Variants in CNTN5 observed in about 807,000 individuals in gnomAD.
The protein encoded by CNTN5 is contactin-5.
A neutral mutation model predicts 129.1 loss-of-function variants in CNTN5; 77 were observed. The ratio of observed to expected loss-of-function variants is 0.60; its 90% confidence interval spans 0.50 to 0.72. The LOEUF (loss-of-function observed/expected upper bound fraction) is 0.72. Among genes scored for constraint, CNTN5 ranks in the 30% least tolerant of loss-of-function variants. The pLI is 0.00. For missense variants in CNTN5, 1,478 were observed against 1,328.8 expected, an observed-to-expected ratio of 1.11 and a Z score of -1.75; for synonymous variants, 509 against 465.6, an observed-to-expected ratio of 1.09 and a Z score of -1.20.
At chr11:99,371,984 G>C (rs77029246) in intron 2 of CNTN5, among the ~76,000 whole-genome samples, 5,308 of 152,284 alleles carry the variant, frequency 0.035, 128 homozygotes, top group Non-Finnish European at 0.055. Flanking sequence ...GTGAGGATGA[G>C]ACCCTACAGA....
intron 13 of CNTN5, among the ~76,000 whole-genome samples, chr11:100,112,315 T>C (rs116315819): frequency 1.1e-3 from 175 of 152,268 alleles, no homozygotes; most frequent in African/African-American, 4.1e-3. Context: ...GGGCAAAAAG[T>C]TCTCTGTTAT....
intron 3 of CNTN5, among the ~76,000 whole-genome samples, chr11:99,591,141 G>A (rs903341982): frequency 6.6e-6 from 1 of 151,938 alleles, no homozygotes; most frequent in South Asian, 2.1e-4. Context: ...TTTACGAGAC[G>A]TTTAGTTGAT....
At chr11:99,642,192 G>A (rs947819973) in intron 3 of CNTN5, among the ~76,000 whole-genome samples, 2 of 152,130 alleles carry the variant, frequency 1.3e-5, no homozygotes, top group African/African-American at 2.4e-5. Context: ...TATGTAATAG[G>A]AGAAAATGGC....
At chr11:99,828,062 A>G (rs563957732) in intron 4 of CNTN5, among the ~76,000 whole-genome samples, 251 of 152,332 alleles carry the variant, frequency 1.6e-3, no homozygotes, top group African/African-American at 5.8e-3. Context: ...TTTGATAAGT[A>G]TGATTGTATA....
intron 21 of CNTN5, among the ~76,000 whole-genome samples, chr11:100,326,796 G>T (rs1350368137): frequency 6.6e-6 from 1 of 152,198 alleles, no homozygotes; most frequent in Non-Finnish European, 1.5e-5. Flanking sequence ...TAAAGAAGTG[G>T]CCAAGGAGGC....
chr11:100,112,433 T>C (rs900535447), intron 13 of CNTN5, among the ~76,000 whole-genome samples: 1 of 152,194 alleles, frequency 6.6e-6, no homozygotes, highest in Non-Finnish European at 1.5e-5. Context: ...AGAAAAATTC[T>C]ATTTTAAAAC....
chr11:100,303,566 G>A (rs504489), intron 20 of CNTN5, among the ~76,000 whole-genome samples: 1 of 105,840 alleles, frequency 9.4e-6, no homozygotes, highest in Non-Finnish European at 2.7e-5. Context: ...CTTGTGATGC[G>A]CTTTATCCTT....
At chr11:99,449,169 GTTTC>G (rs1944198612) in intron 2 of CNTN5, among the ~76,000 whole-genome samples, 1 of 152,036 alleles carries the variant, frequency 6.6e-6, no homozygotes, top group Non-Finnish European at 1.5e-5. Context: ...AAAACTACTC[GTTTC>G]TTTAAGGAAC....
intron 13 of CNTN5, among the ~76,000 whole-genome samples, chr11:100,179,628 G>A (rs1446329901): frequency 6.6e-6 from 1 of 151,974 alleles, no homozygotes; most frequent in African/African-American, 2.4e-5. Context: ...ATTAGCTATT[G>A]AGTCATATAG....
At chr11:100,311,922 C>A (rs1293810818) in intron 21 of CNTN5, among the ~76,000 whole-genome samples, 1 of 151,896 alleles carries the variant, frequency 6.6e-6, no homozygotes, top group Non-Finnish European at 1.5e-5. Flanking sequence ...TAACTTATTG[C>A]AAGCAAAAAT....
chr11:99,668,079 C>G (rs1952872632), intron 3 of CNTN5, among the ~76,000 whole-genome samples: 1 of 152,268 alleles, frequency 6.6e-6, no homozygotes, highest in Non-Finnish European at 1.5e-5. Context: ...ATCTTTCTCA[C>G]TGAAACTGAA....
chr11:99,941,759 A>C (rs536223094), intron 7 of CNTN5, among the ~76,000 whole-genome samples: 1 of 152,158 alleles, frequency 6.6e-6, no homozygotes, highest in South Asian at 2.1e-4. Flanking sequence ...TTAAGGTAAA[A>C]ATTATTGCAC....
chr11:99,892,337 C>G (rs1949084847), intron 6 of CNTN5, among the ~76,000 whole-genome samples: 1 of 152,110 alleles, frequency 6.6e-6, no homozygotes, highest in African/African-American at 2.4e-5. Context: ...TTAATTAGAT[C>G]CCGTTTGTCA....
chr11:99,063,642 T>C (rs1864980255), intron 1 of CNTN5, among the ~76,000 whole-genome samples: 8 of 152,244 alleles, frequency 5.3e-5, no homozygotes, highest in Admixed American at 5.2e-4. Context: ...TATGTTCAAC[T>C]ACAAAAGCAA....
chr11:99,327,946 G>T (rs1382578763), intron 2 of CNTN5, among the ~76,000 whole-genome samples: 1 of 152,158 alleles, frequency 6.6e-6, no homozygotes, highest in Admixed American at 6.5e-5. Context: ...AGAAGAGTCT[G>T]AATGGCTCTA....
chr11:100,301,967 T>C (rs997779437), intron 20 of CNTN5, among the ~76,000 whole-genome samples: 18 of 151,558 alleles, frequency 1.2e-4, no homozygotes, highest in African/African-American at 4.4e-4. Context: ...AGCCCAGGAA[T>C]TTGAGGCTGC....
At chr11:99,961,985 GTTAT>G (rs1950959181) in intron 8 of CNTN5, among the ~76,000 whole-genome samples, 1 of 110,832 alleles carries the variant, frequency 9.0e-6, no homozygotes, top group African/African-American at 4.5e-5. Flanking sequence ...GATAGATATA[GTTAT>G]ATATACATAT....
At chr11:99,488,421 T>A (rs1045513397) in intron 2 of CNTN5, among the ~76,000 whole-genome samples, 1 of 152,136 alleles carries the variant, frequency 6.6e-6, no homozygotes, top group Admixed American at 6.5e-5. Flanking sequence ...TCTGCCTGTC[T>A]TGGCCTCCCA....
intron 1 of CNTN5, among the ~76,000 whole-genome samples, chr11:99,202,949 G>A (rs1024234159): frequency 4.6e-5 from 7 of 151,096 alleles, no homozygotes; most frequent in African/African-American, 1.7e-4. Context: ...ATAAGTGAGA[G>A]AGAAAGAAAA....
Sources: allele counts gnomAD v4.1 joint callset (sites outside exome capture counted in the v4.1 genomes callset), GRCh38; gene constraint gnomAD v4.1.1; transcripts MANE v1.5; gene names NCBI Gene and HGNC (gene_info 2026-07-23, HGNC 2026-07-21).